Variants in QPCTL observed in about 807,000 individuals in gnomAD.
QPCTL encodes glutaminyl-peptide cyclotransferase-like protein.
A neutral mutation model predicts 34.6 loss-of-function variants in QPCTL; 31 were observed. The observed-to-expected ratio is 0.90, with a 90% CI of 0.67 to 1.21. The LOEUF is 1.21. Ranked by LOEUF, QPCTL falls within the 50% of genes most tolerant of loss-of-function variation. The pLI is 0.00. For synonymous variants in QPCTL, 223 were observed against 226.9 expected (o/e 0.98, Z 0.15); for missense variants, 474 against 507.8 (o/e 0.93, Z 0.64).
At chr19:45,702,726 T>A (rs1185164476) in intron 6 of QPCTL, among the ~76,000 whole-genome samples, 178 bp from the exon 7 acceptor site, 1 of 150,234 alleles carries the variant, frequency 6.7e-6, no homozygotes, top group Admixed American at 6.7e-5. Flanking sequence ...ATCACGCCAC[T>A]GCACTCCAGC....
chr19:45,696,690 G>T (rs1467352270), intron 3 of QPCTL, among the ~76,000 whole-genome samples: 1 of 151,548 alleles, frequency 6.6e-6, no homozygotes, highest in Non-Finnish European at 1.5e-5. Flanking sequence ...AGTGAGCCAT[G>T]ATCGTGCCAC....
intron 1 of QPCTL, 73 bp from the exon 2 acceptor site, chr19:45,693,340 C>T (rs989567867): frequency 6.6e-7 from 1 of 1,507,932 alleles, no homozygotes; most frequent in Non-Finnish European, 8.9e-7. Flanking sequence ...TCGCGGGTGA[C>T]GGCGCCCGGG....
chr19:45,695,634 G>A lies in QPCTL; in HGVS notation c.549G>A (p.Gly183=). ...CACCCGGATCGACCCCCTTTGTAGG[G>A]GCCACGGATTCGGCTGTGCCCTGTG... ...LFPPGSTPFV[G]ATDSAVPCAL... is the part of the protein sequence containing the mutation. Residue 183 remains glycine (G), a synonymous_variant, in exon 3 of 7, where the codon GGG becomes GGA. Transcript: ENST00000012049. The A allele has an allele frequency of 6.2e-7, 1 of 1,614,010 alleles. No individual in the cohort carries two copies.
At position 45,695,147 on chromosome 19, in the gene QPCTL, G is replaced by A. The variant is rs186078402; in HGVS notation, c.352-290G>A. ...CTAAAAATACAAAAAATAGCCAGGC[G>A]TTGTAGGGGGCGCCTGTAACCCCAG... On this transcript the variant is annotated intron_variant, in intron 2 of 6. Coordinates refer to ENST00000012049, the MANE Select transcript of QPCTL (RefSeq NM_017659.4). Among the ~76,000 whole-genome samples the A allele has an allele frequency of 4.7e-3, 719 of 152,100 alleles. 6 individuals carry two copies. Among genetic ancestry groups the A allele is most frequent in the Non-Finnish European group, 8.6e-3 (584 of 67,976 alleles).
chr19:45,698,262 A>C (rs1042901063), intron 3 of QPCTL, among the ~76,000 whole-genome samples: 5 of 151,558 alleles, frequency 3.3e-5, no homozygotes, highest in African/African-American at 9.7e-5. Context: ...AAAAACAAAA[A>C]ACAAAAAAAA....
rs553073695 is a variant in QPCTL at position 45,703,049 on chromosome 19, G to A, written c.1149G>A (p.Ter383=). 3.1e-6 allele frequency: 5 copies of A among 1,614,188 alleles called. No individual in the cohort carries two copies. The East Asian group carries it at 8.9e-5, about 29-fold the overall frequency. The change falls in exon 7 of 7, where the codon TAG becomes TAA. Residue 383 remains the stop codon, a stop_retained_variant. Coordinates refer to ENST00000012049, the MANE Select transcript of QPCTL (RefSeq NM_017659.4). ...AVFLAEYLGL[*] ...TCCTGGCTGAATACCTGGGGCTCTA[G>A]CGTGCTTGGCCAATGACTGTGGAGA...
In QPCTL at chr19:45,698,608, G is replaced by A. The variant is rs1211700140; in HGVS notation, c.695G>A (p.Gly232Glu). 6 of 1,614,138 alleles carry A rather than the reference G, an allele frequency of 3.7e-6. No individual in the cohort carries two copies. The highest frequency in any genetic ancestry group is 1.7e-5 in the Admixed American group (1 of 60,014). Reference protein sequence around the residue: ...LDGEEALKEWGPKDSLYGSRH... With the variant: ...LDGEEALKEWEPKDSLYGSRH... ...GGTGAAGAGGCGCTGAAGGAGTGGG[G>A]ACCCAAGGACTCCCTTTACGGTTCC... The change falls in exon 4 of 7, where the codon GGA (glycine) becomes GAA (glutamate). Residue 232 changes from glycine (G) to glutamate (E), a missense_variant. By Grantham distance (98) the Gly-to-Glu change is moderately conservative. Transcript: ENST00000012049.
chr19:45,695,602 C>T lies in QPCTL; in HGVS notation c.517C>T (p.Leu173Phe), dbSNP rs567658989. Residue 173 changes from leucine (L) to phenylalanine (F), a missense_variant, in exon 3 of 7, where the codon CTC (leucine) becomes TTC (phenylalanine). Transcript: ENST00000012049. ...CCTTGCCTGCCATTATGACTCGAAG[C>T]TCTTCCCACCCGGATCGACCCCCTT... ...LTLACHYDSK[L>F]FPPGSTPFVG... 3 of 1,614,118 alleles carry T rather than the reference C, an allele frequency of 1.9e-6. No homozygotes were observed. The highest frequency in any genetic ancestry group is 1.1e-5 in the South Asian group (1 of 91,088).
intron 6 of QPCTL, among the ~76,000 whole-genome samples, chr19:45,702,450 G>T (rs1415471909): frequency 6.6e-6 from 1 of 150,610 alleles, no homozygotes; most frequent in Non-Finnish European, 1.5e-5. Flanking sequence ...ACAACAGAGG[G>T]TGATGATATC....
chr19:45,698,943 T>TGGGGTAC, intron 5 of QPCTL, 43 bp downstream of exon 5: 3 of 1,566,804 alleles, frequency 1.9e-6, no homozygotes, highest in Non-Finnish European at 2.6e-6. Flanking sequence ...ACCTGGGGTA[T>TGGGGTAC]GGGGTACAGG....
At chr19:45,702,409 G>T (rs1357830964) in intron 6 of QPCTL, among the ~76,000 whole-genome samples, 1 of 151,644 alleles carries the variant, frequency 6.6e-6, no homozygotes, top group Non-Finnish European at 1.5e-5. Context: ...GCTGCAGTAA[G>T]CCTTGATTGA....
At chr19:45,700,737 A>G (rs1423124633) in intron 5 of QPCTL, among the ~76,000 whole-genome samples, 1 of 151,380 alleles carries the variant, frequency 6.6e-6, no homozygotes, top group Non-Finnish European at 1.5e-5. Flanking sequence ...GAGGTGGGCG[A>G]ATCACAAGGT....
chr19:45,696,849 G>C (rs191673648), intron 3 of QPCTL, among the ~76,000 whole-genome samples: 4 of 152,068 alleles, frequency 2.6e-5, no homozygotes, highest in Non-Finnish European at 5.9e-5. Context: ...CCGGCCGGGC[G>C]TGGTAACTCG....
chr19:45,700,825 G>T (rs929519058), intron 5 of QPCTL, among the ~76,000 whole-genome samples: 2 of 151,948 alleles, frequency 1.3e-5, no homozygotes, highest in Non-Finnish European at 2.9e-5. Context: ...TGGGTGTGGT[G>T]GTGGGCGCCT....
Position 45,697,303 on chromosome 19 carries a change from G to A in QPCTL, c.634-1244G>A, listed in dbSNP as rs555276415. Among the ~76,000 whole-genome samples the A allele has an allele frequency of 2.6e-3, 397 of 150,882 alleles. 3 individuals carry two copies. Among genetic ancestry groups the A allele is most frequent in the African/African-American group, 9.3e-3 (381 of 41,010 alleles). ...TAGCTGGGCGTGGTGGCGGGCGCCTGTAGTCCCAGCTACTTGGGAGGCTGA... is the reference window on the plus strand; with the variant it reads ...TAGCTGGGCGTGGTGGCGGGCGCCTATAGTCCCAGCTACTTGGGAGGCTGA... On this transcript the variant is annotated intron_variant, in intron 3 of 6. Transcript: ENST00000012049.
chr19:45,693,548 G>A lies in QPCTL; in HGVS notation c.343G>A (p.Val115Ile). 6.2e-7 allele frequency: 1 copy of A among 1,611,690 alleles called. No individual in the cohort carries two copies. Among genetic ancestry groups the A allele is most frequent in the South Asian group, 1.1e-5 (1 of 90,594 alleles). Residue 115 changes from valine to isoleucine, a missense_variant, in exon 2 of 7, where the codon GTC (valine) becomes ATC (isoleucine). Coordinates refer to ENST00000012049, the MANE Select transcript of QPCTL (RefSeq NM_017659.4). ...RTPGSPGNLQ[V>I]RKFLEATLRS... ...CCCGGGCAGCCCGGGAAATCTCCAA[G>A]TCAGAAAGGTAAAGGGACCCACCTC... is the stretch of plus-strand genomic sequence containing the variant.
intron 6 of QPCTL, among the ~76,000 whole-genome samples, chr19:45,702,247 C>G (rs907772396): frequency 1.3e-5 from 2 of 151,492 alleles, no homozygotes; most frequent in Admixed American, 1.3e-4. Context: ...GATCCTTGAG[C>G]CCAGGAGTTT....
chr19:45,702,961 C>T lies in QPCTL; in HGVS notation c.1061C>T (p.Ala354Val), dbSNP rs1193036091. 12 of 1,613,916 alleles carry T rather than the reference C, an allele frequency of 7.4e-6. No individual in the cohort carries two copies. The highest frequency in any genetic ancestry group is 3.3e-5 in the South Asian group (3 of 91,080). Residue 354 changes from alanine to valine, a missense_variant, in exon 7 of 7, where the codon GCG (alanine) becomes GTG (valine). Ala to Val is a moderately conservative substitution (Grantham distance 64, BLOSUM62 0). Coordinates refer to ENST00000012049, the MANE Select transcript of QPCTL (RefSeq NM_017659.4). ...TTCCCTGCTGTCTGGCACACCCCTG[C>T]GGACACCGAGGTCAATCTCCACCCA... ...TPFPAVWHTP[A>V]DTEVNLHPPT...
chr19:45,696,644 G>A (rs1010401383), intron 3 of QPCTL, among the ~76,000 whole-genome samples: 1 of 151,690 alleles, frequency 6.6e-6, no homozygotes, highest in Non-Finnish European at 1.5e-5. Context: ...GAGGCTGAGA[G>A]GGGAGGATGG....
Sources: allele counts gnomAD v4.1 joint callset (sites outside exome capture counted in the v4.1 genomes callset), GRCh38; gene constraint gnomAD v4.1.1; transcripts MANE v1.5; gene names NCBI Gene and HGNC (gene_info 2026-07-23, HGNC 2026-07-21).